Variants in DPP10 observed in about 807,000 individuals in gnomAD.
The protein encoded by DPP10 is dipeptidyl peptidase like 10, also known as inactive dipeptidyl peptidase 10.
A neutral mutation model predicts 120.9 loss-of-function variants in DPP10; 33 were observed. The ratio of observed to expected loss-of-function variants is 0.27; its 90% CI spans 0.21 to 0.37. The LOEUF (loss-of-function observed/expected upper bound fraction) is 0.37, where lower values mean the gene tolerates loss of function less well. DPP10 is among the 10% of genes least tolerant of loss of function. The probability of loss-of-function intolerance (pLI) is 1.00; values close to 1 mark genes in which losing one functional copy is unlikely to be tolerated. For synonymous variants in DPP10, 337 were observed against 326.1 expected (o/e 1.03, Z -0.36); for missense variants, 816 against 942.8 (o/e 0.87, Z 1.76).
intron 1 of DPP10, among the ~76,000 whole-genome samples, chr2:114,773,673 G>A (rs1347654140): frequency 6.6e-6 from 1 of 152,200 alleles, no homozygotes; most frequent in Non-Finnish European, 1.5e-5. Context: ...ACATTTCTAA[G>A]GCTTTTGCAT....
At chr2:115,003,176 T>TAAAA (rs140794959) in intron 1 of DPP10, among the ~76,000 whole-genome samples, 3 of 134,380 alleles carry the variant, frequency 2.2e-5, no homozygotes, top group Admixed American at 7.6e-5. Flanking sequence ...TATGTAGCTA[T>TAAAA]AAAAAAAAAA....
At chr2:115,468,718 G>C (rs905669713) in intron 3 of DPP10, 2 of 375,284 alleles carry the variant, frequency 5.3e-6, no homozygotes, top group Admixed American at 3.3e-5. Context: ...CTATGACCAA[G>C]GAAGAAGAAT....
rs2061617926 is a variant in DPP10, at chr2:115,312,409, A to C, written c.175+3056A>C. ...CAACCCAAACATGTCAGAGTAATACATAAGGCCAGAAGACTAATAGTTTGC... is the reference window on the plus strand; with the variant it reads ...CAACCCAAACATGTCAGAGTAATACCTAAGGCCAGAAGACTAATAGTTTGC... On this transcript the variant is annotated intron_variant, in intron 2 of 25. Transcript: ENST00000410059. Among the ~76,000 whole-genome samples, 2 of 152,186 alleles carry C rather than the reference A, an allele frequency of 1.3e-5. 1 individual carries two copies. The highest frequency in any genetic ancestry group is 4.1e-4 in the South Asian group (2 of 4,828).
intron 5 of DPP10, among the ~76,000 whole-genome samples, chr2:115,553,674 A>G (rs1363116366): frequency 6.6e-6 from 1 of 152,010 alleles, no homozygotes; most frequent in Non-Finnish European, 1.5e-5. Context: ...ATGGCATATT[A>G]TACTTTATCT....
At chr2:115,700,590 A>G (rs2091843121) in intron 7 of DPP10, among the ~76,000 whole-genome samples, 1 of 152,154 alleles carries the variant, frequency 6.6e-6, no homozygotes, top group Non-Finnish European at 1.5e-5. Flanking sequence ...AGCAAAAGCA[A>G]TTAAGCAAAC....
In DPP10 at chr2:115,434,736, T is replaced by G. The variant is rs537597804; in HGVS notation, c.272-64774T>G. Among the ~76,000 whole-genome samples the G allele has an allele frequency of 2.0e-5, 3 of 151,952 alleles. No homozygotes were observed. In the South Asian group the frequency reaches 6.2e-4, roughly 31 times the overall value. On this transcript the variant is annotated intron_variant, in intron 3 of 25. Transcript: ENST00000410059. ...TCTTTGAAATATATTTTTAAAATGTTAATTATCATCCACCTACTATACTGT... is the reference window on the plus strand; with the variant it reads ...TCTTTGAAATATATTTTTAAAATGTGAATTATCATCCACCTACTATACTGT...
At chr2:115,540,886 G>A (rs1383807158) in intron 5 of DPP10, among the ~76,000 whole-genome samples, 3 of 151,806 alleles carry the variant, frequency 2.0e-5, no homozygotes, top group Non-Finnish European at 4.4e-5. Flanking sequence ...TTCTGAGGGA[G>A]AGCATTTTAT....
intron 7 of DPP10, among the ~76,000 whole-genome samples, chr2:115,727,074 T>A (rs2092782816): frequency 6.6e-6 from 1 of 152,198 alleles, no homozygotes; most frequent in Non-Finnish European, 1.5e-5. Flanking sequence ...AATTTTATCC[T>A]GAATTATCTA....
chr2:115,194,453 G>A (rs193199270), intron 1 of DPP10, among the ~76,000 whole-genome samples: 2 of 152,274 alleles, frequency 1.3e-5, no homozygotes, highest in East Asian at 3.9e-4. Flanking sequence ...GGAAGGCTAC[G>A]GGTTGCCAGT....
intron 7 of DPP10, among the ~76,000 whole-genome samples, chr2:115,724,159 A>G: frequency 6.6e-6 from 1 of 152,184 alleles, no homozygotes; most frequent in East Asian, 1.9e-4. Context: ...AAGCTAATTT[A>G]TATTGTAACT....
At chr2:115,286,491 A>AT (rs1491492670) in intron 1 of DPP10, among the ~76,000 whole-genome samples, 1 of 85,476 alleles carries the variant, frequency 1.2e-5, no homozygotes, top group Non-Finnish European at 2.3e-5. Context: ...ATATATATAT[A>AT]ATATATATAT....
At chr2:115,397,019 T>A (rs1414038699) in intron 3 of DPP10, among the ~76,000 whole-genome samples, 7 of 152,222 alleles carry the variant, frequency 4.6e-5, no homozygotes, top group Non-Finnish European at 4.4e-5. Context: ...GGTTAATTAA[T>A]TTTCAAGTGT....
chr2:114,766,214 T>A (rs939543327), intron 1 of DPP10, among the ~76,000 whole-genome samples: 3 of 152,034 alleles, frequency 2.0e-5, no homozygotes, highest in Non-Finnish European at 4.4e-5. Context: ...TCAGAAACCA[T>A]CATCACTGAA....
At chr2:114,851,500 T>C (rs1290964348) in intron 1 of DPP10, among the ~76,000 whole-genome samples, 1 of 152,192 alleles carries the variant, frequency 6.6e-6, no homozygotes, top group African/African-American at 2.4e-5. Flanking sequence ...CAACAAGATG[T>C]TGACCACAAA....
At position 115,316,047 on chromosome 2, in the gene DPP10, C is replaced by T. The variant is rs35203486; in HGVS notation, c.175+6694C>T. Among the ~76,000 whole-genome samples the T allele has an allele frequency of 8.2e-3, 1,255 of 152,208 alleles. 15 individuals are homozygous for T. Among genetic ancestry groups the T allele is most frequent in the African/African-American group, 0.029 (1,210 of 41,526 alleles). On this transcript the variant is annotated intron_variant, in intron 2 of 25. Transcript: ENST00000410059. ...TCAGATAAATGATGAATTTGGTTTA[C>T]ATTATAATGTGTTTAGTTTTACAAG...
At chr2:115,435,323 C>T (rs1435925015) in intron 3 of DPP10, among the ~76,000 whole-genome samples, 3 of 151,628 alleles carry the variant, frequency 2.0e-5, no homozygotes, top group African/African-American at 7.3e-5. Context: ...CAACAGTGTG[C>T]GAGAGTTACC....
At chr2:115,721,281 C>A (rs2092643069) in intron 7 of DPP10, among the ~76,000 whole-genome samples, 1 of 152,100 alleles carries the variant, frequency 6.6e-6, no homozygotes, top group Admixed American at 6.6e-5. Flanking sequence ...CCAATATTTT[C>A]CTAAAGCTGA....
intron 1 of DPP10, among the ~76,000 whole-genome samples, chr2:115,204,226 C>T (rs9308710): frequency 0.16 from 23,827 of 151,948 alleles, 2,863 homozygotes; most frequent in East Asian, 0.38. Flanking sequence ...GCTAAGTGAC[C>T]GCTTTTAGTT....
intron 2 of DPP10, among the ~76,000 whole-genome samples, chr2:115,331,674 A>C (rs896189341): frequency 6.6e-6 from 1 of 152,158 alleles, no homozygotes; most frequent in African/African-American, 2.4e-5. Flanking sequence ...GCATCTATTG[A>C]GATAATCATA....
Sources: gnomAD v4.1 joint callset for allele counts (sites outside exome capture counted in the v4.1 genomes callset) on GRCh38, gnomAD v4.1.1 for gene constraint, MANE v1.5 for transcripts, NCBI Gene and HGNC (gene_info 2026-07-23, HGNC 2026-07-21) for gene names.